The following NRAP variants were observed in gnomAD, a reference collection of about 807,000 sequenced individuals.
NRAP encodes nebulin related anchoring protein, also known as nebulin-related-anchoring protein.
NRAP carries 189 observed loss-of-function variants against 225.9 expected under a neutral mutation model. The observed-to-expected ratio is 0.84, with a 90% confidence interval of 0.74 to 0.94. The LOEUF (loss-of-function observed/expected upper bound fraction) is 0.94. Ranked by LOEUF, NRAP falls within the 40% of genes least tolerant of loss-of-function variation. NRAP has a pLI of 0.00. For missense variants in NRAP, 2,176 were observed against 2,168.7 expected (o/e 1.00, Z -0.07); for synonymous variants, 769 against 790.7 (o/e 0.97, Z 0.46).
intron 34 of NRAP, 109 bp from the exon 35 acceptor site, chr10:113,605,029 A>T: frequency 8.1e-7 from 1 of 1,232,890 alleles, no homozygotes; most frequent in East Asian, 2.4e-5. Flanking sequence ...GAAAAACCAC[A>T]GTGGGGCTGG....
Position 113,590,624 on chromosome 10 carries a change from TGCTCCGGGTCGCA to T in NRAP, c.4897_4909del (p.Cys1633SerfsTer23). ...CTTCTGAGCATGCCTGAGGCCCAGC[TGCTCCGGGTCGCA>T]GGTGGGCTGGGGCAGGGGCTGCCTG... is the stretch of plus-strand genomic sequence containing the variant. On this transcript the variant is annotated frameshift_variant, in exon 40 of 42. Coordinates refer to ENST00000359988, the MANE Select transcript of NRAP (RefSeq NM_198060.4). LOFTEE classifies it high-confidence loss of function. The T allele has an allele frequency of 6.2e-7, 1 of 1,613,816 alleles. No homozygotes were observed. Among genetic ancestry groups the T allele is most frequent in the Non-Finnish European group, 8.5e-7 (1 of 1,179,972 alleles).
rs1850859288 is a variant in NRAP at position 113,663,923 on chromosome 10, A to G, written c.-41T>C. The stretch of plus-strand genomic sequence containing the variant: ...GAGAGGACAAAGATAGGCAACAGGC[A>G]AGAAATGCAAGGAGAACCCCCAGTC... On this transcript the variant is annotated 5_prime_UTR_variant, in exon 1 of 42. Transcript: ENST00000359988. 1.4e-6 allele frequency: 2 copies of G among 1,473,008 alleles called. No individual in the cohort carries two copies. Among genetic ancestry groups the G allele is most frequent in the Non-Finnish European group, 1.9e-6 (2 of 1,051,724 alleles). 91.2% of individuals were successfully genotyped at this position (1,473,008 alleles called of 1,614,324 possible). A position where few individuals can be genotyped will look rare whatever the true frequency, so the allele number is the denominator to read the frequency against.
chr10:113,642,297 A>G (rs1849247159), intron 12 of NRAP, among the ~76,000 whole-genome samples: 1 of 152,192 alleles, frequency 6.6e-6, no homozygotes, highest in African/African-American at 2.4e-5. Context: ...ACTGGGACAT[A>G]AGGTATGTTG....
chr10:113,606,959 G>A (rs1025869930), intron 32 of NRAP, among the ~76,000 whole-genome samples: 1 of 151,938 alleles, frequency 6.6e-6, no homozygotes, highest in African/African-American at 2.4e-5. Context: ...TCCCAGCACT[G>A]TAGGAGGCTG....
At chr10:113,650,622 C>T (rs1849897576) in intron 7 of NRAP, 77 bp from the exon 8 acceptor site, 2 of 976,250 alleles carry the variant, frequency 2.0e-6, no homozygotes, top group African/African-American at 1.6e-5. Flanking sequence ...CTAAGGGTTC[C>T]ATGACATCCT....
At chr10:113,644,288 G>T (rs73354087) in intron 11 of NRAP, among the ~76,000 whole-genome samples, 4 of 151,826 alleles carry the variant, frequency 2.6e-5, no homozygotes, top group African/African-American at 9.7e-5. Context: ...TTTTCCAGGC[G>T]TATGACAAAG....
chr10:113,663,681 A>G (rs1373458530), intron 1 of NRAP, 130 bp downstream of exon 1: 3 of 735,640 alleles, frequency 4.1e-6, no homozygotes, highest in Non-Finnish European at 4.6e-6. Context: ...GTGAGAAAAT[A>G]TAACTTTTTC....
chr10:113,612,013 G>T lies in NRAP; in HGVS notation c.3498+221C>A, dbSNP rs551689158. Among the ~76,000 whole-genome samples the T allele has an allele frequency of 2.0e-5, 3 of 152,196 alleles. 1 individual carries two copies. Among genetic ancestry groups the T allele is most frequent in the African/African-American group, 7.2e-5 (3 of 41,454 alleles). ...ATTGTGAGATAATGCATAAAACAAT[G>T]CTTAGAGTGCAGCAAAAAATAATAA... On this transcript the variant is annotated intron_variant, in intron 30 of 41. Coordinates refer to ENST00000359988, the MANE Select transcript of NRAP (RefSeq NM_198060.4).
chr10:113,632,485 A>T (rs1240250490), intron 16 of NRAP, among the ~76,000 whole-genome samples: 1 of 152,186 alleles, frequency 6.6e-6, no homozygotes, highest in Non-Finnish European at 1.5e-5. Flanking sequence ...TAAAGAGCTC[A>T]CCTACGGTTA....
chr10:113,615,157 G>C lies in NRAP; in HGVS notation c.3079-211C>G, dbSNP rs182441930. Among the ~76,000 whole-genome samples the C allele has an allele frequency of 3.9e-5, 6 of 152,278 alleles. No homozygotes were observed. In the South Asian group the frequency reaches 6.2e-4, roughly 16 times the overall value. ...GGAGGTAGGCAGGGGATGGGGTTGG[G>C]GGGGATGGGTTGAGGCATAGAGGGG... On this transcript the variant is annotated intron_variant, in intron 27 of 41. Transcript: ENST00000359988.
intron 2 of NRAP, among the ~76,000 whole-genome samples, 195 bp downstream of exon 2, chr10:113,663,157 A>C (rs1250635960): frequency 6.6e-6 from 1 of 152,236 alleles, no homozygotes; most frequent in East Asian, 1.9e-4. Flanking sequence ...TTTTACTTGG[A>C]AGAAATTTGA....
intron 5 of NRAP, among the ~76,000 whole-genome samples, chr10:113,653,345 C>T (rs765916342): frequency 6.6e-6 from 1 of 152,176 alleles, no homozygotes; most frequent in Non-Finnish European, 1.5e-5. Flanking sequence ...TTAATTAATA[C>T]ATGGGTGACT....
chr10:113,620,786 C>A, intron 24 of NRAP, 78 bp from the exon 25 acceptor site: 1 of 981,854 alleles, frequency 1.0e-6, no homozygotes, highest in South Asian at 1.3e-5. Context: ...TAGCGGCTCC[C>A]AACACAGCCT....
In NRAP at chr10:113,620,654, C is replaced by T. The variant is rs1291869947; in HGVS notation, c.2824G>A (p.Gly942Arg). ...WMKGMGWVAT[G>R]SLNVEQAKKA... ...TTCGCCTGCTCCACATTTAATGACC[C>T]GGTGGCGACCCAGCCCATGCCTTTC... The change falls in exon 25 of 42, where the codon GGG becomes AGG. Residue 942 changes from glycine to arginine, a missense_variant. Gly to Arg is a moderately radical substitution (Grantham distance 125). Coordinates refer to ENST00000359988, the MANE Select transcript of NRAP (RefSeq NM_198060.4). The T allele has an allele frequency of 3.2e-5, 52 of 1,613,610 alleles. No individual in the cohort carries two copies. Among genetic ancestry groups the T allele is most frequent in the African/African-American group, 4.0e-5 (3 of 74,818 alleles).
chr10:113,659,387 T>C (rs1008051115), intron 3 of NRAP, among the ~76,000 whole-genome samples: 5 of 152,150 alleles, frequency 3.3e-5, no homozygotes, highest in African/African-American at 9.6e-5. Flanking sequence ...CAGGTAGGGG[T>C]TGGGGGGAAC....
At chr10:113,605,138 C>T (rs1405896647) in intron 34 of NRAP, among the ~76,000 whole-genome samples, 1 of 152,168 alleles carries the variant, frequency 6.6e-6, no homozygotes, top group Non-Finnish European at 1.5e-5. Context: ...AAAGGAAGGG[C>T]TTCACTCCCC....
chr10:113,589,732 T>G lies in NRAP; in HGVS notation c.5022A>C (p.Lys1674Asn), dbSNP rs770230689. 6.2e-7 allele frequency: 1 copy of G among 1,614,034 alleles called. No homozygotes were observed. The highest frequency in any genetic ancestry group is 1.3e-5 in the African/African-American group (1 of 74,924). The part of the protein sequence containing the change: ...GVGWTPPGSY[K>N]VEMARRAAEL... ...CCGCAGCCCGCCGAGCCATTTCCACTTTGTAGGAGCCAGGAGGGGTCCAGC... is the reference window on the plus strand; with the variant it reads ...CCGCAGCCCGCCGAGCCATTTCCACGTTGTAGGAGCCAGGAGGGGTCCAGC... Residue 1674 changes from lysine to asparagine, a missense_variant, in exon 41 of 42, where the codon AAA becomes AAC. By Grantham distance (94) the Lys-to-Asn change is moderately conservative. Coordinates refer to ENST00000359988, the MANE Select transcript of NRAP (RefSeq NM_198060.4).
intron 9 of NRAP, among the ~76,000 whole-genome samples, chr10:113,647,306 C>T (rs117223026): frequency 3.7e-4 from 57 of 152,148 alleles, no homozygotes; most frequent in Non-Finnish European, 6.9e-4. Flanking sequence ...CTCTACCACT[C>T]TCCCAGGCCC....
intron 3 of NRAP, among the ~76,000 whole-genome samples, chr10:113,658,580 C>T (rs1850455655): frequency 6.6e-6 from 1 of 152,040 alleles, no homozygotes; most frequent in Non-Finnish European, 1.5e-5. Context: ...GGAAGTGAGG[C>T]CCAGAAATCG....
Sources: gnomAD v4.1 joint callset for allele counts (sites outside exome capture counted in the v4.1 genomes callset) on GRCh38, gnomAD v4.1.1 for gene constraint, MANE v1.5 for transcripts, NCBI Gene and HGNC (gene_info 2026-07-23, HGNC 2026-07-21) for gene names.